ADCK2: variants seen among roughly 807,000 people sequenced by gnomAD.
ADCK2 encodes the protein aarF domain containing kinase 2.
A neutral mutation model predicts 52.3 loss-of-function variants in ADCK2; 37 were observed. The observed-to-expected ratio is 0.71, with a 90% CI of 0.54 to 0.93. The LOEUF is 0.93. Ranked by LOEUF, ADCK2 falls within the 40% of genes least tolerant of loss-of-function variation. ADCK2 has a pLI of 0.00. For missense variants in ADCK2, 695 were observed against 798.7 expected (o/e 0.87, Z 1.56); for synonymous variants, 321 against 349.2 (o/e 0.92, Z 0.90).
intron 4 of ADCK2, among the ~76,000 whole-genome samples, chr7:140,684,515 C>T (rs1194926044): frequency 6.6e-6 from 1 of 151,930 alleles, no homozygotes; most frequent in African/African-American, 2.4e-5. Flanking sequence ...GCGATGGGGT[C>T]GAGGCGGATA....
intron 2 of ADCK2, among the ~76,000 whole-genome samples, chr7:140,675,514 C>T (rs948001525): frequency 3.3e-5 from 5 of 152,190 alleles, no homozygotes; most frequent in African/African-American, 1.2e-4. Context: ...CCTCCTTCAA[C>T]ATGTGTCATC....
chr7:140,680,895 G>T (rs902637391), intron 3 of ADCK2, 147 bp from the exon 4 acceptor site: 22 of 694,880 alleles, frequency 3.2e-5, no homozygotes, highest in Non-Finnish European at 4.8e-5. Context: ...GCACATGGCT[G>T]AATGACAGAT....
intron 5 of ADCK2, among the ~76,000 whole-genome samples, chr7:140,688,489 G>A (rs1794647555): frequency 6.6e-6 from 1 of 152,228 alleles, no homozygotes; most frequent in African/African-American, 2.4e-5. Context: ...CTGTTAGCAG[G>A]TGCTGGGTGC....
intron 2 of ADCK2, among the ~76,000 whole-genome samples, chr7:140,675,148 C>T (rs1415850001): frequency 6.6e-6 from 1 of 152,132 alleles, no homozygotes; most frequent in Admixed American, 6.5e-5. Flanking sequence ...GAAGCTGAGG[C>T]ATGAGAATTG....
At chr7:140,677,172 C>T (rs529766896) in intron 2 of ADCK2, among the ~76,000 whole-genome samples, 207 of 152,292 alleles carry the variant, frequency 1.4e-3, no homozygotes, top group Non-Finnish European at 2.8e-3. Flanking sequence ...CTTTGGGAGG[C>T]GGCGTCAGGT....
chr7:140,679,071 T>C, intron 2 of ADCK2, 84 bp from the exon 3 acceptor site: 3 of 1,531,042 alleles, frequency 2.0e-6, no homozygotes, highest in Admixed American at 1.8e-5. Flanking sequence ...GTGGATCTCA[T>C]GACTTGCTAG....
chr7:140,680,894 T>G, intron 3 of ADCK2, 148 bp from the exon 4 acceptor site: 1 of 691,526 alleles, frequency 1.4e-6, no homozygotes, highest in Non-Finnish European at 2.5e-6. Context: ...TGCACATGGC[T>G]GAATGACAGA....
chr7:140,685,309 G>C (rs1317256838), intron 4 of ADCK2, among the ~76,000 whole-genome samples: 2 of 152,072 alleles, frequency 1.3e-5, no homozygotes, highest in East Asian at 3.9e-4. Flanking sequence ...AATTAGCCGG[G>C]TGTGGTGGTG....
chr7:140,684,890 C>T (rs538247744), intron 4 of ADCK2, among the ~76,000 whole-genome samples: 15 of 152,122 alleles, frequency 9.9e-5, no homozygotes, highest in East Asian at 1.9e-4. Context: ...AGTCAGAACC[C>T]GGTGGCAAGA....
At position 140,693,427 on chromosome 7, in the gene ADCK2, G is replaced by T. The variant is rs1391378117; in HGVS notation, c.1741-1236G>T. On this transcript the variant is annotated intron_variant, in intron 7 of 7. Transcript: ENST00000072869. The surrounding 1 kb of genome is among the most constrained non-coding windows in gnomAD (Gnocchi z 4.0). ...CAAATACTCTTTAATTTCTAACAAA[G>T]AATATTTCCCATGATTCAACCTTCC... Among the ~76,000 whole-genome samples, 1 of 152,178 alleles carries T rather than the reference G, an allele frequency of 6.6e-6. No homozygotes were observed. Among genetic ancestry groups the T allele is most frequent in the African/African-American group, 2.4e-5 (1 of 41,448 alleles).
chr7:140,692,823 C>T (rs1427309753), intron 7 of ADCK2, among the ~76,000 whole-genome samples: 2 of 152,202 alleles, frequency 1.3e-5, no homozygotes, highest in Admixed American at 1.3e-4. Context: ...AAGGTCTATA[C>T]ATTGTGTTCT....
chr7:140,679,476 C>T (rs1794479094), intron 3 of ADCK2, among the ~76,000 whole-genome samples, 193 bp downstream of exon 3: 7 of 151,936 alleles, frequency 4.6e-5, no homozygotes, highest in Admixed American at 4.6e-4. Flanking sequence ...GGGTGTGGCC[C>T]GATCCCCTAG....
intron 4 of ADCK2, 149 bp from the exon 5 acceptor site, chr7:140,686,841 A>G: frequency 3.0e-6 from 3 of 1,003,776 alleles, no homozygotes; most frequent in South Asian, 3.7e-5. Flanking sequence ...CTGAGTTGAC[A>G]TCTAAACAAG....
rs538362689 is a variant in ADCK2 at position 140,679,023 on chromosome 7, G to A, written c.1081-132G>A. On this transcript the variant is annotated intron_variant, in intron 2 of 7. Coordinates refer to ENST00000072869, the MANE Select transcript of ADCK2 (RefSeq NM_052853.4). ...CACGGATGTCGCCTCCTGAGTTTCTGGGCAAGTTCTGCGGGGCAAGCTGGT... is the reference window on the plus strand; with the variant it reads ...CACGGATGTCGCCTCCTGAGTTTCTAGGCAAGTTCTGCGGGGCAAGCTGGT... 8 of 1,198,066 alleles carry A rather than the reference G, an allele frequency of 6.7e-6. No individual in the cohort carries two copies. In the South Asian group the frequency reaches 1.2e-4, roughly 17 times the overall value. The allele number at this position is 1,198,066 out of a possible 1,614,324, so 74.2% of individuals were successfully genotyped here. A position where few individuals can be genotyped will look rare whatever the true frequency, so the allele number is the denominator to read the frequency against.
In ADCK2 at chr7:140,678,723, G is replaced by A. The variant is rs1794465193; in HGVS notation, c.1081-432G>A. Among the ~76,000 whole-genome samples the A allele has an allele frequency of 6.6e-6, 1 of 152,154 alleles. No individual in the cohort carries two copies. Among genetic ancestry groups the A allele is most frequent in the Non-Finnish European group, 1.5e-5 (1 of 68,020 alleles). On this transcript the variant is annotated intron_variant, in intron 2 of 7. Transcript: ENST00000072869. This position sits in a 1 kb window ranked among gnomAD's most constrained non-coding sequence, Gnocchi z 4.9. ...GAGTAGCAGTGGCAGTGTCGATGCG[G>A]TGGGTGGAGAGCTGCCGCGAGATGA... is the stretch of plus-strand genomic sequence containing the variant.
Position 140,674,795 on chromosome 7 carries a change from CAT to C in ADCK2, c.1080+40_1080+41del. On this transcript the variant is annotated intron_variant, in intron 2 of 7. Transcript: ENST00000072869. This position sits in a 1 kb window ranked among gnomAD's most constrained non-coding sequence, Gnocchi z 4.6. ...CCCCTCAGCTGTAAATAGCACCTAA[CAT>C]AGTTCTTGCCATTAGCTGCTACTTA... 6.3e-7 allele frequency: 1 copy of C among 1,593,998 alleles called. No homozygotes were observed. The highest frequency in any genetic ancestry group is 2.3e-5 in the East Asian group (1 of 44,420).
chr7:140,677,673 A>T (rs991520332), intron 2 of ADCK2, among the ~76,000 whole-genome samples: 1 of 152,202 alleles, frequency 6.6e-6, no homozygotes, highest in Admixed American at 6.5e-5. Context: ...GTGCAATTTT[A>T]TGTCAGGGAC....
chr7:140,694,647 T>C lies in ADCK2; in HGVS notation c.1741-16T>C, dbSNP rs763986197. 2.5e-6 allele frequency: 4 copies of C among 1,612,400 alleles called. No individual in the cohort carries two copies. Among genetic ancestry groups the C allele is most frequent in the Middle Eastern group, 1.6e-4 (1 of 6,082 alleles). ...CAGCATGTTCTGAGATGAACTGTTC[T>C]GTTTTTCTGTTCCAGGTAAAGCTTG... On this transcript the variant is annotated splice_polypyrimidine_tract_variant and intron_variant, in intron 7 of 7. Coordinates refer to ENST00000072869, the MANE Select transcript of ADCK2 (RefSeq NM_052853.4).
In ADCK2 at chr7:140,673,605, G is replaced by T; in HGVS notation, c.275G>T (p.Gly92Val). Residue 92 changes from glycine to valine, a missense_variant, in exon 1 of 8, where the codon GGC (glycine) becomes GTC (valine). Physicochemically the swap from Gly to Val is moderately radical, Grantham distance 109. Coordinates refer to ENST00000072869, the MANE Select transcript of ADCK2 (RefSeq NM_052853.4). This position sits in a 1 kb window ranked among gnomAD's most constrained non-coding sequence, Gnocchi z 6.4. ...ESLPRAGPLG[G>V]VFLHLRLWLR... ...CTCCCCCGAGCGGGACCTCTGGGCG[G>T]CGTCTTCCTGCATCTCCGCCTCTGG... 1 of 1,607,978 alleles carries T rather than the reference G, an allele frequency of 6.2e-7. No homozygotes were observed.
Sources: allele counts gnomAD v4.1 joint callset (sites outside exome capture counted in the v4.1 genomes callset), GRCh38; gene constraint gnomAD v4.1.1; non-coding constraint Gnocchi (gnomAD v3.1); transcripts MANE v1.5; gene names NCBI Gene and HGNC (gene_info 2026-07-23, HGNC 2026-07-21).